FILIP1L: variants seen among roughly 807,000 people sequenced by gnomAD.
FILIP1L encodes filamin A-interacting protein 1-like.
A neutral mutation model predicts 96.6 loss-of-function variants in FILIP1L; 55 were observed. The observed-to-expected ratio is 0.57, with a 90% CI of 0.46 to 0.71. The LOEUF is 0.71. Among genes scored for constraint, FILIP1L ranks in the 30% least tolerant of loss-of-function variants. The probability of loss-of-function intolerance (pLI) is 0.00; values close to 1 mark genes in which losing one functional copy is unlikely to be tolerated. For synonymous variants in FILIP1L, 467 were observed against 473.9 expected, an observed-to-expected ratio of 0.99 and a Z score of 0.19; for missense variants, 1,304 against 1,321.2, an observed-to-expected ratio of 0.99 and a Z score of 0.20.
intron 4 of FILIP1L, among the ~76,000 whole-genome samples, chr3:99,909,745 T>G (rs185911152): frequency 4.6e-5 from 7 of 152,372 alleles, no homozygotes; most frequent in Non-Finnish European, 1.5e-5. Flanking sequence ...CTATCAGTTA[T>G]AGTTAATTTA....
At chr3:99,930,665 A>G in intron 2 of FILIP1L, 104 bp downstream of exon 2, 5 of 1,250,318 alleles carry the variant, frequency 4.0e-6, no homozygotes, top group Non-Finnish European at 4.5e-6. Context: ...TCATGTACAC[A>G]CATGTATGAA....
chr3:100,016,323 G>C (rs1223484334), intron 1 of FILIP1L, among the ~76,000 whole-genome samples: 1 of 152,156 alleles, frequency 6.6e-6, no homozygotes, highest in Non-Finnish European at 1.5e-5. Context: ...CTCCCGAGTA[G>C]GTGGGATTAC....
At chr3:99,892,601 A>G (rs765761128) in intron 4 of FILIP1L, among the ~76,000 whole-genome samples, 20 of 152,350 alleles carry the variant, frequency 1.3e-4, no homozygotes, top group African/African-American at 4.6e-4. Flanking sequence ...AGATGACCTC[A>G]GTAGTTCCAG....
chr3:100,024,378 A>G (rs1222369406), intron 1 of FILIP1L, among the ~76,000 whole-genome samples: 3 of 152,148 alleles, frequency 2.0e-5, no homozygotes, highest in Non-Finnish European at 4.4e-5. Flanking sequence ...TTTGGCCCCT[A>G]TAGAGCAGAC....
intron 5 of FILIP1L, chr3:99,833,391 T>A: frequency 1.4e-6 from 1 of 712,470 alleles, no homozygotes; most frequent in Non-Finnish European, 2.4e-6. Flanking sequence ...TACAGTGAGT[T>A]ATTAGAAGGC....
At position 100,001,501 on chromosome 3, in the gene FILIP1L, T is replaced by C. The variant is rs1368377446; in HGVS notation, c.-10-70471A>G. On this transcript the variant is annotated intron_variant, in intron 1 of 5. Transcript: ENST00000477258. ...CCCAACTGAGCCCAGTTTATGAGAA[T>C]GTATTGGTGGTTCTGGGATTTTACA... is the stretch of plus-strand genomic sequence containing the variant. Among the ~76,000 whole-genome samples, 3 of 152,342 alleles carry C rather than the reference T, an allele frequency of 2.0e-5. No homozygotes were observed. The East Asian group carries it at 5.8e-4, about 29-fold the overall frequency.
chr3:99,924,526 T>C, intron 3 of FILIP1L, 118 bp from the exon 4 acceptor site: 1 of 1,065,066 alleles, frequency 9.4e-7, no homozygotes, highest in Non-Finnish European at 1.4e-6. Flanking sequence ...GGTTTTTTGT[T>C]TGTTTGTTTT....
intron 1 of FILIP1L, chr3:99,964,286 T>C (rs1218856808): frequency 6.6e-6 from 1 of 150,790 alleles, no homozygotes; most frequent in Non-Finnish European, 1.5e-5. Flanking sequence ...TCCATGAGAA[T>C]AGGGACAGTG....
chr3:100,099,780 A>T lies in FILIP1L; in HGVS notation c.-11+14273T>A, dbSNP rs142963622. 4.6e-3 allele frequency among the ~76,000 whole-genome samples: 706 copies of T among 152,288 alleles called. 2 individuals carry two copies. The highest frequency in any genetic ancestry group is 7.0e-3 in the South Asian group (34 of 4,830). The stretch of plus-strand genomic sequence containing the variant: ...TATGTTCTGTAGCAGTGGGAACCTA[A>T]CAGGCCACCAAGGAGAGCCAGACAT... On this transcript the variant is annotated intron_variant, in intron 1 of 5. Coordinates refer to ENST00000477258, the MANE Select transcript of FILIP1L (RefSeq NM_001387850.1).
At chr3:100,091,733 C>T (rs1176588954) in intron 1 of FILIP1L, among the ~76,000 whole-genome samples, 1 of 152,226 alleles carries the variant, frequency 6.6e-6, no homozygotes, top group Non-Finnish European at 1.5e-5. Flanking sequence ...CCATTTTCTA[C>T]CAGTATCATT....
At chr3:99,900,200 C>T (rs1706390986) in intron 4 of FILIP1L, among the ~76,000 whole-genome samples, 1 of 151,954 alleles carries the variant, frequency 6.6e-6, no homozygotes, top group Admixed American at 6.6e-5. Flanking sequence ...TTTATGACTA[C>T]AGGATGGAAG....
chr3:100,054,672 A>G (rs1177609229), intron 1 of FILIP1L, among the ~76,000 whole-genome samples: 1 of 152,114 alleles, frequency 6.6e-6, no homozygotes, highest in Non-Finnish European at 1.5e-5. Context: ...CAACTGGATC[A>G]AAGGAGGGCA....
intron 4 of FILIP1L, among the ~76,000 whole-genome samples, chr3:99,868,633 T>G (rs1944636808): frequency 1.3e-5 from 2 of 152,192 alleles, no homozygotes; most frequent in African/African-American, 4.8e-5. Context: ...AAATAATGGG[T>G]TTTTAAACTT....
chr3:99,911,825 AT>A (rs902724708), intron 4 of FILIP1L, among the ~76,000 whole-genome samples: 12 of 151,336 alleles, frequency 7.9e-5, no homozygotes, highest in African/African-American at 2.4e-4. Context: ...CTTCTTCATT[AT>A]TTTTTTTTCC....
intron 1 of FILIP1L, among the ~76,000 whole-genome samples, chr3:100,010,778 A>ATTTTTT (rs11371196): frequency 1.7e-4 from 16 of 93,668 alleles, no homozygotes; most frequent in Non-Finnish European, 2.2e-4. Flanking sequence ...CCACGCCCGG[A>ATTTTTT]TTTTTTTTTT....
At chr3:99,877,094 T>C (rs1705560843) in intron 4 of FILIP1L, among the ~76,000 whole-genome samples, 1 of 152,230 alleles carries the variant, frequency 6.6e-6, no homozygotes, top group South Asian at 2.1e-4. Context: ...TTCTTGTGAA[T>C]GAGAATTCAC....
chr3:100,106,781 A>G (rs2066402948), intron 1 of FILIP1L, among the ~76,000 whole-genome samples: 1 of 152,060 alleles, frequency 6.6e-6, no homozygotes, highest in Non-Finnish European at 1.5e-5. Flanking sequence ...TGGTTGTACT[A>G]CTCCTAACCT....
intron 1 of FILIP1L, among the ~76,000 whole-genome samples, chr3:100,082,725 C>T (rs73144447): frequency 6.6e-6 from 1 of 152,234 alleles, no homozygotes; most frequent in Non-Finnish European, 1.5e-5. Flanking sequence ...ATTTTTTATA[C>T]CCTTACTTAA....
intron 4 of FILIP1L, among the ~76,000 whole-genome samples, chr3:99,922,922 T>C (rs1707169978): frequency 6.6e-6 from 1 of 152,214 alleles, no homozygotes; most frequent in East Asian, 1.9e-4. Flanking sequence ...CTTACCACTT[T>C]ATTGAAATGG....
Sources: gnomAD v4.1 joint callset for allele counts (sites outside exome capture counted in the v4.1 genomes callset) on GRCh38, gnomAD v4.1.1 for gene constraint, MANE v1.5 for transcripts, NCBI Gene and HGNC (gene_info 2026-07-23, HGNC 2026-07-21) for gene names.